Variants in SHTN1 observed in about 807,000 individuals in gnomAD.
SHTN1 encodes the protein shootin 1.
SHTN1 carries 42 observed loss-of-function variants against 83.1 expected under a neutral mutation model. That is an observed-to-expected ratio of 0.51 (90% CI 0.39 to 0.65). The LOEUF (loss-of-function observed/expected upper bound fraction) is 0.65, where lower values mean the gene tolerates loss of function less well. SHTN1 is among the 30% of genes least tolerant of loss of function. SHTN1 has a pLI of 0.00. For missense variants in SHTN1, 622 were observed against 737.8 expected (o/e 0.84, Z 1.82); for synonymous variants, 224 against 247.7 (o/e 0.90, Z 0.90).
chr10:117,081,085 G>T (rs1853254364), intron 1 of SHTN1, among the ~76,000 whole-genome samples: 1 of 151,342 alleles, frequency 6.6e-6, no homozygotes, highest in Non-Finnish European at 1.5e-5. Context: ...AATAGGAGTG[G>T]TGAGAGAGGG....
intron 1 of SHTN1, among the ~76,000 whole-genome samples, chr10:117,089,063 C>T (rs142240960): frequency 4.6e-5 from 7 of 152,272 alleles, no homozygotes; most frequent in Non-Finnish European, 8.8e-5. Flanking sequence ...CCCCACTAAC[C>T]CATGGTAGGG....
intron 2 of SHTN1, among the ~76,000 whole-genome samples, chr10:117,016,256 T>C (rs1240627175): frequency 2.0e-5 from 3 of 152,192 alleles, no homozygotes; most frequent in South Asian, 2.1e-4. Context: ...TTGTAGATGT[T>C]TGAGGCGTAT....
chr10:117,022,459 G>C (rs1019441158), intron 2 of SHTN1, among the ~76,000 whole-genome samples: 24 of 151,946 alleles, frequency 1.6e-4, no homozygotes, highest in African/African-American at 5.6e-4. Context: ...TGCTATTGCT[G>C]AATGTATAAG....
At chr10:117,005,580 G>A (rs893832523), upstream of SHTN1, 2 of 993,858 alleles carry the variant, frequency 2.0e-6, no homozygotes, top group Admixed American at 6.0e-5. Context: ...GACGCAATGA[G>A]CCATGAACGC....
At chr10:116,900,863 A>C (rs1273095184) in intron 16 of SHTN1, 1 of 985,290 alleles carries the variant, frequency 1.0e-6, no homozygotes, top group African/African-American at 1.7e-5. Context: ...GAAGAGAAAA[A>C]AAAGTTAATA....
At chr10:116,938,926 C>T (rs951952706) in intron 9 of SHTN1, among the ~76,000 whole-genome samples, 8 of 152,164 alleles carry the variant, frequency 5.3e-5, no homozygotes, top group African/African-American at 9.7e-5. Flanking sequence ...GCAGTGGGCT[C>T]GGCCCAGTCC....
At chr10:116,977,022 C>T (rs1850830882) in intron 2 of SHTN1, among the ~76,000 whole-genome samples, 1 of 152,160 alleles carries the variant, frequency 6.6e-6, no homozygotes, top group Non-Finnish European at 1.5e-5. Context: ...TTATAATCCT[C>T]CTTTTACCAA....
At chr10:116,965,527 G>A (rs563652645) in intron 3 of SHTN1, among the ~76,000 whole-genome samples, 35 of 152,176 alleles carry the variant, frequency 2.3e-4, no homozygotes, top group Middle Eastern at 3.4e-3. Flanking sequence ...AAAAAAAGAT[G>A]TAGGCCTAGT....
chr10:116,965,239 G>T (rs1041465593), intron 3 of SHTN1, among the ~76,000 whole-genome samples: 1 of 152,156 alleles, frequency 6.6e-6, no homozygotes, highest in East Asian at 1.9e-4. Flanking sequence ...GGCCTAGGCC[G>T]GGTGTGGTGG....
chr10:116,891,779 A>T (rs1371672795), intron 16 of SHTN1, among the ~76,000 whole-genome samples: 1 of 152,178 alleles, frequency 6.6e-6, no homozygotes. Context: ...TCACAAAATA[A>T]AGTTTCAAAC....
chr10:116,911,011 C>T (rs932386116), intron 14 of SHTN1, among the ~76,000 whole-genome samples: 1 of 152,218 alleles, frequency 6.6e-6, no homozygotes, highest in African/African-American at 2.4e-5. Flanking sequence ...ACAGCAACAA[C>T]AAACATGGGA....
chr10:116,968,432 C>T (rs1284086359), intron 3 of SHTN1, among the ~76,000 whole-genome samples: 1 of 152,134 alleles, frequency 6.6e-6, no homozygotes, highest in Non-Finnish European at 1.5e-5. Context: ...TGTTTTATAA[C>T]AAGTATAGGT....
At chr10:116,893,845 A>G (rs1231830724) in intron 16 of SHTN1, among the ~76,000 whole-genome samples, 6 of 152,218 alleles carry the variant, frequency 3.9e-5, no homozygotes, top group Non-Finnish European at 8.8e-5. Flanking sequence ...TAAGAATCTC[A>G]ATTTTTATTT....
intron 11 of SHTN1, among the ~76,000 whole-genome samples, chr10:116,924,746 A>ATTTTT (rs201343735): frequency 1.0e-4 from 9 of 89,540 alleles, no homozygotes; most frequent in Admixed American, 2.7e-4. Context: ...ATTTTCACCT[A>ATTTTT]TTTTTTTTTT....
intron 1 of SHTN1, among the ~76,000 whole-genome samples, chr10:117,100,233 C>T (rs912473627): frequency 1.3e-5 from 2 of 152,094 alleles, no homozygotes; most frequent in African/African-American, 4.8e-5. Flanking sequence ...GCATCTGGCA[C>T]ACATCAGATC....
Position 117,087,682 on chromosome 10 carries a change from A to G in SHTN1, c.-189+38625T>C, listed in dbSNP as rs181680700. On this transcript the variant is annotated intron_variant, in intron 1 of 17. Coordinates refer to the SHTN1 transcript ENST00000392901. ...TAAACAAGACAATATGAGTCAAAACATAATGATTAATACAATTGATTACAT... is the reference window on the plus strand; with the variant it reads ...TAAACAAGACAATATGAGTCAAAACGTAATGATTAATACAATTGATTACAT... Among the ~76,000 whole-genome samples the G allele has an allele frequency of 3.3e-3, 502 of 152,376 alleles. 2 individuals are homozygous for G. The highest frequency in any genetic ancestry group is 0.011 in the African/African-American group (448 of 41,590).
intron 16 of SHTN1, chr10:116,900,870 A>G: frequency 1.0e-6 from 1 of 985,344 alleles, no homozygotes; most frequent in South Asian, 4.7e-5. Context: ...AAAAAAAGTT[A>G]ATAGTAGCAA....
At chr10:117,101,019 T>C (rs1340163972) in intron 1 of SHTN1, among the ~76,000 whole-genome samples, 1 of 152,212 alleles carries the variant, frequency 6.6e-6, no homozygotes, top group African/African-American at 2.4e-5. Context: ...GGCTAAGACC[T>C]AAGAAGGTTG....
intron 2 of SHTN1, among the ~76,000 whole-genome samples, chr10:117,037,849 T>C (rs1219794964): frequency 6.6e-6 from 1 of 151,188 alleles, no homozygotes; most frequent in Non-Finnish European, 1.5e-5. Flanking sequence ...CTACTAAAAA[T>C]ACAAAAATTA....
Sources: allele counts gnomAD v4.1 joint callset (sites outside exome capture counted in the v4.1 genomes callset), GRCh38; gene constraint gnomAD v4.1.1; transcripts MANE v1.5; gene names NCBI Gene and HGNC (gene_info 2026-07-23, HGNC 2026-07-21).